MYO7A: variants seen among roughly 807,000 people sequenced by gnomAD.
MYO7A encodes myosin VIIA.
In MYO7A, 210 loss-of-function variants were observed where a neutral mutation model predicts 263.8. The observed-to-expected ratio is 0.80, with a 90% CI of 0.71 to 0.89. The LOEUF is 0.89. MYO7A is among the 40% of genes least tolerant of loss of function. The pLI, the probability that MYO7A is intolerant of heterozygous loss-of-function variation, is 0.00. For missense variants in MYO7A, 2,820 were observed against 2,968.3 expected, an observed-to-expected ratio of 0.95 and a Z score of 1.16; for synonymous variants, 1,239 against 1,197.3, an observed-to-expected ratio of 1.03 and a Z score of -0.72.
Position 77,205,504 on chromosome 11 carries a change from G to T in MYO7A, c.5523G>T (p.Thr1841=), listed in dbSNP as rs375883645. Residue 1841 remains threonine (T), a synonymous_variant, in exon 40 of 49, where the codon ACG becomes ACT. Coordinates refer to ENST00000409709, the MANE Select transcript of MYO7A (RefSeq NM_000260.4). Reference sequence around the variant, plus strand: ...GTTGGGAGCTGCTCTGGCTGTGCACGGGCCTTTTCCCACCCAGCAACATCC... The same window carrying T: ...GTTGGGAGCTGCTCTGGCTGTGCACTGGCCTTTTCCCACCCAGCAACATCC... ...ERGWELLWLC[T]GLFPPSNILL... is the part of the protein sequence containing the mutation. The T allele has an allele frequency of 6.3e-7, 1 of 1,597,280 alleles. No individual in the cohort carries two copies. Among genetic ancestry groups the T allele is most frequent in the Admixed American group, 1.7e-5 (1 of 57,806 alleles).
chr11:77,174,691 T>A, intron 16 of MYO7A, 65 bp from the exon 17 acceptor site: 2 of 1,507,908 alleles, frequency 1.3e-6, no homozygotes, highest in Non-Finnish European at 1.8e-6. Flanking sequence ...GTTGGTCAAG[T>A]GCACAGCAGG....
chr11:77,158,504 A>G (rs1952703236), intron 9 of MYO7A, 74 bp downstream of exon 9: 1 of 1,509,216 alleles, frequency 6.6e-7, no homozygotes, highest in South Asian at 1.3e-5. Context: ...CCCACGTGGT[A>G]TTGGCAGCTC....
chr11:77,153,713 A>G (rs147916966), intron 4 of MYO7A, among the ~76,000 whole-genome samples: 61 of 152,160 alleles, frequency 4.0e-4, no homozygotes, highest in African/African-American at 1.4e-3. Context: ...TGCCGGGGTG[A>G]CCTTTCACCA....
rs1204542671 is a variant in MYO7A at position 77,205,328 on chromosome 11, G to A, written c.5481-134G>A. The A allele has an allele frequency of 1.2e-5, 13 of 1,068,894 alleles. No individual in the cohort carries two copies. The Admixed American group carries it at 2.1e-4, about 17-fold the overall frequency. 66.2% of individuals were successfully genotyped at this position (1,068,894 alleles called of 1,614,324 possible). A position where few individuals can be genotyped will look rare whatever the true frequency, so the allele number is the denominator to read the frequency against. On this transcript the variant is annotated intron_variant, in intron 39 of 48. Transcript: ENST00000409709. ...AGGTAGGGTGAGGGGTCCTGAGATA[G>A]GGTAAAGGTCAGGAGGGACGGTGCT...
chr11:77,148,048 C>CAGGG, intron 4 of MYO7A, 98 bp downstream of exon 4: 8 of 1,125,278 alleles, frequency 7.1e-6, no homozygotes, highest in Non-Finnish European at 9.6e-6. Context: ...CCCCGCCCTG[C>CAGGG]CGGGGCCCTG....
chr11:77,146,968 GC>G (rs1951614494), intron 3 of MYO7A, among the ~76,000 whole-genome samples: 1 of 152,132 alleles, frequency 6.6e-6, no homozygotes, highest in Non-Finnish European at 1.5e-5. Flanking sequence ...CCACAAGGCA[GC>G]TGGGGAATAT....
At chr11:77,207,680 A>G (rs1957544235) in intron 42 of MYO7A, among the ~76,000 whole-genome samples, 1 of 152,116 alleles carries the variant, frequency 6.6e-6, no homozygotes, top group Non-Finnish European at 1.5e-5. Flanking sequence ...CCCAACACAC[A>G]TGTTCTTTCC....
At chr11:77,212,268 T>G in intron 46 of MYO7A, 1 of 466,018 alleles carries the variant, frequency 2.1e-6, no homozygotes, top group Non-Finnish European at 4.2e-6. Flanking sequence ...GAAGGCCTCT[T>G]AGAGGAGGTG....
At chr11:77,144,218 A>G (rs1297017357) in intron 3 of MYO7A, among the ~76,000 whole-genome samples, 1 of 152,166 alleles carries the variant, frequency 6.6e-6, no homozygotes, top group African/African-American at 2.4e-5. Context: ...AAGGCCTGCA[A>G]TATCATTCCA....
chr11:77,195,309 C>T (rs183480902), intron 32 of MYO7A, among the ~76,000 whole-genome samples: 1 of 152,160 alleles, frequency 6.6e-6, no homozygotes, highest in Non-Finnish European at 1.5e-5. Context: ...AGGCCCGAAC[C>T]CCCCCGAACC....
Position 77,147,824 on chromosome 11 carries a change from A to C in MYO7A, c.159A>C (p.Ala53=). The change falls in exon 4 of 49, where the codon GCA becomes GCC. Residue 53 remains alanine, a synonymous_variant. Transcript: ENST00000409709. Reference sequence around the variant, plus strand: ...AACACTGGATCTCTCCGCAGAACGCAACGCACATCAAGCCTATGCACCCCA... The same window carrying C: ...AACACTGGATCTCTCCGCAGAACGCCACGCACATCAAGCCTATGCACCCCA... ...DNEHWISPQN[A]THIKPMHPTS... 6.2e-7 allele frequency: 1 copy of C among 1,610,400 alleles called. No homozygotes were observed.
Position 77,160,216 on chromosome 11 carries a change from CG to C in MYO7A, c.1138del (p.Glu380ArgfsTer7). 6.3e-7 allele frequency: 1 copy of C among 1,581,574 alleles called. No homozygotes were observed. The highest frequency in any genetic ancestry group is 8.6e-7 in the Non-Finnish European group (1 of 1,164,456). On this transcript the variant is annotated frameshift_variant, in exon 11 of 49. Coordinates refer to ENST00000409709, the MANE Select transcript of MYO7A (RefSeq NM_000260.4). LOFTEE classifies it high-confidence loss of function. ...TGACTAGCCGCACCCTCATCACCCG[CG>C]GGGAGACGGTGTCCACCCCACTGAG... ...CLTSRTLITR[G>X]ETVSTPLSRE...
intron 30 of MYO7A, 155 bp downstream of exon 30, chr11:77,191,025 G>C (rs1372712259): frequency 1.2e-6 from 1 of 866,282 alleles, no homozygotes; most frequent in African/African-American, 1.7e-5. Flanking sequence ...GACTCCTCAG[G>C]ACTGCCGAGA....
chr11:77,183,828 C>T (rs1191005209), intron 26 of MYO7A, among the ~76,000 whole-genome samples: 5 of 152,226 alleles, frequency 3.3e-5, no homozygotes, highest in African/African-American at 1.2e-4. Flanking sequence ...CCCACTTCAC[C>T]TCTGCCCTTG....
At chr11:77,183,372 G>A (rs538683094) in intron 26 of MYO7A, among the ~76,000 whole-genome samples, 16 of 152,274 alleles carry the variant, frequency 1.1e-4, no homozygotes, top group South Asian at 6.2e-4. Context: ...ATCTCAGGCC[G>A]GGGGTGGGAA....
At chr11:77,193,543 G>A (rs1191357743) in intron 31 of MYO7A, among the ~76,000 whole-genome samples, 2 of 152,078 alleles carry the variant, frequency 1.3e-5, no homozygotes, top group Admixed American at 1.3e-4. Context: ...GGTGGTGATG[G>A]TGGAGGTAGT....
At chr11:77,129,367 G>A (rs911675460) in intron 1 of MYO7A, among the ~76,000 whole-genome samples, 6 of 152,194 alleles carry the variant, frequency 3.9e-5, no homozygotes, top group African/African-American at 9.6e-5. Flanking sequence ...CTCGGATGTC[G>A]GGCAGTGTCA....
intron 4 of MYO7A, among the ~76,000 whole-genome samples, chr11:77,154,147 A>G (rs1952223424): frequency 1.3e-5 from 2 of 152,216 alleles, no homozygotes; most frequent in Admixed American, 6.5e-5. Flanking sequence ...TTTATGTATC[A>G]GGCGCCTGGC....
chr11:77,194,513 G>A lies in MYO7A; in HGVS notation c.4312G>A (p.Ala1438Thr), dbSNP rs575760892. 3.4e-5 allele frequency: 54 copies of A among 1,599,458 alleles called. No individual in the cohort carries two copies. In the South Asian group the frequency reaches 3.7e-4, roughly 11 times the overall value. The change falls in exon 32 of 49, where the codon GCC becomes ACC. Residue 1438 changes from alanine (A) to threonine (T), a missense_variant. Transcript: ENST00000409709. ...GAAGTGGGCCCAGCTGGCCATCGCC[G>A]CCCACAAGAAGGTAGAAGGGCTGAG... is the stretch of plus-strand genomic sequence containing the variant. Reference protein sequence around the residue: ...LEKWAQLAIAAHKKGIYAQRR... With the variant: ...LEKWAQLAIATHKKGIYAQRR...
Sources: allele counts gnomAD v4.1 joint callset (sites outside exome capture counted in the v4.1 genomes callset), GRCh38; gene constraint gnomAD v4.1.1; transcripts MANE v1.5; gene names NCBI Gene and HGNC (gene_info 2026-07-23, HGNC 2026-07-21).